Variants in ATP5MC2 observed in about 807,000 individuals in gnomAD.
ATP5MC2 encodes ATP synthase F(0) complex subunit C2, mitochondrial.
In ATP5MC2, 11 loss-of-function variants were observed where a neutral mutation model predicts 13.5. That is an observed-to-expected ratio of 0.81 (90% CI 0.51 to 1.35). ATP5MC2 has a LOEUF of 1.35. ATP5MC2 is among the 40% of genes most tolerant of loss of function. The pLI, the probability that ATP5MC2 is intolerant of heterozygous loss-of-function variation, is 0.00. For synonymous variants in ATP5MC2, 64 were observed against 69.7 expected, an observed-to-expected ratio of 0.92 and a Z score of 0.41; for missense variants, 132 against 175.0, an observed-to-expected ratio of 0.75 and a Z score of 1.39.
intron 2 of ATP5MC2, among the ~76,000 whole-genome samples, chr12:53,671,003 G>C (rs1488360533): frequency 7.8e-6 from 1 of 128,792 alleles, no homozygotes; most frequent in Non-Finnish European, 1.6e-5. Context: ...CTAAAGTTGG[G>C]GGCCTTCTGT....
chr12:53,676,226 C>A, upstream of ATP5MC2: 4 of 1,598,932 alleles, frequency 2.5e-6, no homozygotes, highest in Non-Finnish European at 3.4e-6. Context: ...TGGCGGTATC[C>A]GGCCGGTTGC....
intron 2 of ATP5MC2, 76 bp downstream of exon 2, chr12:53,672,500 G>A: frequency 7.0e-7 from 1 of 1,431,820 alleles, no homozygotes; most frequent in Non-Finnish European, 9.6e-7. Context: ...GCCTTGCTGT[G>A]AAGAACAAGG....
chr12:53,666,208 C>T (rs1449808958), intron 4 of ATP5MC2, among the ~76,000 whole-genome samples: 1 of 152,034 alleles, frequency 6.6e-6, no homozygotes, highest in East Asian at 1.9e-4. Context: ...CTTTGGGAGG[C>T]CGAGATGAGT....
At chr12:53,678,658 G>A (rs1433486335), upstream of ATP5MC2, among the ~76,000 whole-genome samples, 2 of 152,166 alleles carry the variant, frequency 1.3e-5, no homozygotes, top group Non-Finnish European at 2.9e-5. Flanking sequence ...GCTCCAAAAA[G>A]GAGGTTTGTA....
In ATP5MC2 at chr12:53,665,410, T is replaced by C; in HGVS notation, c.330A>G (p.Gln110=). The part of the protein sequence containing the change: ...IGYARNPSLK[Q]QLFSYAILGF... Reference sequence around the variant, plus strand: ...CCAGAATGGCGTAGGAGAAGAGCTGTTGCTTCAGAGAAGGGTTCCTGGTAG... The same window carrying C: ...CCAGAATGGCGTAGGAGAAGAGCTGCTGCTTCAGAGAAGGGTTCCTGGTAG... The change falls in exon 5 of 5, where the codon CAA becomes CAG. Residue 110 remains glutamine (Q), a synonymous_variant. Coordinates refer to ENST00000394349, the MANE Select transcript of ATP5MC2 (RefSeq NM_005176.7). 2 of 1,613,932 alleles carry C rather than the reference T, an allele frequency of 1.2e-6. No homozygotes were observed. The highest frequency in any genetic ancestry group is 1.7e-6 in the Non-Finnish European group (2 of 1,179,926).
intron 2 of ATP5MC2, among the ~76,000 whole-genome samples, chr12:53,670,713 C>G (rs1945071760): frequency 6.6e-6 from 1 of 151,746 alleles, no homozygotes; most frequent in Non-Finnish European, 1.5e-5. Flanking sequence ...ACCTCCACCT[C>G]CCAGGTTCAA....
chr12:53,671,471 G>A (rs1055260565), intron 2 of ATP5MC2, among the ~76,000 whole-genome samples: 1 of 152,118 alleles, frequency 6.6e-6, no homozygotes, highest in African/African-American at 2.4e-5. Context: ...CCATACTGTT[G>A]TTTCTGAGTC....
At chr12:53,670,325 G>T in intron 2 of ATP5MC2, 1 of 351,630 alleles carries the variant, frequency 2.8e-6, no homozygotes, top group South Asian at 2.2e-5. Flanking sequence ...ATAGGGTTAT[G>T]TGCCAATAAA....
upstream of ATP5MC2, chr12:53,677,501 C>G (rs1310606096): frequency 1.3e-5 from 2 of 152,206 alleles, no homozygotes; most frequent in African/African-American, 4.8e-5. Context: ...TTTATATGGG[C>G]CCGTTATTTC....
chr12:53,668,453 G>A (rs1054588584), intron 4 of ATP5MC2, among the ~76,000 whole-genome samples: 3 of 151,112 alleles, frequency 2.0e-5, no homozygotes, highest in South Asian at 4.2e-4. Context: ...ATAGGTGCAC[G>A]CCCCCCTTAC....
chr12:53,679,238 C>CGAGA (rs59340879), upstream of ATP5MC2, among the ~76,000 whole-genome samples: 12,042 of 127,546 alleles, frequency 0.094, 775 homozygotes, highest in East Asian at 0.19. Context: ...ATTTTAAAAA[C>CGAGA]GAGAGAGAGA....
intron 3 of ATP5MC2, 30 bp from the exon 4 acceptor site, chr12:53,669,371 GT>G: frequency 6.3e-7 from 1 of 1,595,560 alleles, no homozygotes; most frequent in Non-Finnish European, 8.5e-7. Context: ...AGAAGGTAAA[GT>G]TTTTTGCTTT....
intron 2 of ATP5MC2, among the ~76,000 whole-genome samples, chr12:53,670,646 T>A (rs545292473): frequency 6.6e-6 from 1 of 151,244 alleles, no homozygotes; most frequent in African/African-American, 2.4e-5. Context: ...TGAGACGGAG[T>A]CTTGCTGTAT....
intron 4 of ATP5MC2, among the ~76,000 whole-genome samples, chr12:53,665,673 C>T (rs1944893731): frequency 6.6e-6 from 1 of 152,196 alleles, no homozygotes. Context: ...TCATGACCTT[C>T]ACTAATGGTT....
chr12:53,679,856 G>A (rs1428180771), upstream of ATP5MC2, among the ~76,000 whole-genome samples: 2 of 152,198 alleles, frequency 1.3e-5, no homozygotes, highest in Admixed American at 6.5e-5. Flanking sequence ...AGTAGATGAA[G>A]GAAGGGAAAG....
Position 53,669,981 on chromosome 12 carries a change from C to A in ATP5MC2, c.40-33G>T. On this transcript the variant is annotated intron_variant, in intron 2 of 4. Transcript: ENST00000394349. ...GAATGACATACAGGGGCAGGAAGGT[C>A]AAGGAAGACTGGAGAGGAGTTTCAG... 5 of 1,605,778 alleles carry A rather than the reference C, an allele frequency of 3.1e-6. No homozygotes were observed. In the South Asian group the frequency reaches 3.3e-5, roughly 11 times the overall value.
At chr12:53,670,394 C>T (rs1945061115) in intron 2 of ATP5MC2, 1 of 331,512 alleles carries the variant, frequency 3.0e-6, no homozygotes, top group African/African-American at 2.2e-5. Context: ...CATAGTCTGG[C>T]CTTCAATGTG....
chr12:53,671,166 T>A (rs138690731), intron 2 of ATP5MC2, among the ~76,000 whole-genome samples: 35 of 152,298 alleles, frequency 2.3e-4, no homozygotes, highest in African/African-American at 8.4e-4. Flanking sequence ...AACAGACACA[T>A]GGTGATTCAT....
chr12:53,680,662 G>A (rs1042825249), upstream of ATP5MC2, among the ~76,000 whole-genome samples: 12 of 150,300 alleles, frequency 8.0e-5, no homozygotes, highest in Non-Finnish European at 3.0e-5. Flanking sequence ...AGACCCCATT[G>A]CTACAAAAAA....
Sources: gnomAD v4.1 joint callset for allele counts (sites outside exome capture counted in the v4.1 genomes callset) on GRCh38, gnomAD v4.1.1 for gene constraint, MANE v1.5 for transcripts, NCBI Gene and HGNC (gene_info 2026-07-23, HGNC 2026-07-21) for gene names.